Variants in MSANTD2 observed in about 807,000 individuals in gnomAD.
The protein encoded by MSANTD2 is myb/SANT-like DNA-binding domain-containing protein 2.
Under a neutral mutation model 52.6 loss-of-function variants are expected in MSANTD2, and 19 were observed. The ratio of observed to expected loss-of-function variants is 0.36; its 90% confidence interval spans 0.25 to 0.53. MSANTD2 has a LOEUF of 0.53. Ranked by LOEUF, MSANTD2 falls within the 20% of genes least tolerant of loss-of-function variation. The pLI is 0.91. For missense variants in MSANTD2, 558 were observed against 716.3 expected, an observed-to-expected ratio of 0.78 and a Z score of 2.52; for synonymous variants, 291 against 289.7, an observed-to-expected ratio of 1.00 and a Z score of -0.04.
chr11:124,795,400 G>C (rs1591478886), intron 1 of MSANTD2, among the ~76,000 whole-genome samples: 1 of 152,204 alleles, frequency 6.6e-6, no homozygotes, highest in East Asian at 1.9e-4. Context: ...CAGATTAACT[G>C]ACTGAAGTGT....
intron 1 of MSANTD2, chr11:124,784,468 T>C (rs982676985): frequency 2.2e-6 from 2 of 925,952 alleles, no homozygotes; most frequent in Admixed American, 1.1e-4. Flanking sequence ...TGGACAACCA[T>C]GTCTAAAAAT....
intron 1 of MSANTD2, among the ~76,000 whole-genome samples, chr11:124,788,906 G>C (rs1156562664): frequency 6.6e-6 from 1 of 151,982 alleles, no homozygotes; most frequent in Non-Finnish European, 1.5e-5. Context: ...CATATTTGAG[G>C]GTCTTTTTCC....
Position 124,779,694 on chromosome 11 carries a change from G to A in MSANTD2, c.511-4720C>T, listed in dbSNP as rs952790196. Among the ~76,000 whole-genome samples the A allele has an allele frequency of 2.0e-5, 3 of 152,200 alleles. No individual in the cohort carries two copies. The highest frequency in any genetic ancestry group is 6.5e-5 in the Admixed American group (1 of 15,284). The stretch of plus-strand genomic sequence containing the variant: ...ACAAGAAAAAACAAGCAGTGAAACA[G>A]ATTTTCAAATGTAGCTGTCAAGCTG... On this transcript the variant is annotated intron_variant, in intron 1 of 3. Coordinates refer to ENST00000374979, the MANE Select transcript of MSANTD2 (RefSeq NM_001308027.2). This position sits in a 1 kb window ranked among gnomAD's most constrained non-coding sequence, Gnocchi z 4.6.
intron 1 of MSANTD2, among the ~76,000 whole-genome samples, chr11:124,794,630 T>C (rs1945436119): frequency 6.6e-6 from 1 of 152,202 alleles, no homozygotes. Flanking sequence ...CAGAGTCTAT[T>C]AAAATGCTTA....
chr11:124,782,262 T>C (rs577408836), intron 1 of MSANTD2, among the ~76,000 whole-genome samples: 1 of 149,678 alleles, frequency 6.7e-6, no homozygotes, highest in African/African-American at 2.5e-5. Context: ...GCCTGGTCAA[T>C]ATAGCAAGAC....
chr11:124,791,379 A>C (rs1221706974), intron 1 of MSANTD2: 7 of 1,371,360 alleles, frequency 5.1e-6, no homozygotes, highest in African/African-American at 1.4e-5. Context: ...AGGCATCATT[A>C]CGGGCTACAT....
At chr11:124,772,704 A>G (rs7112807) in intron 3 of MSANTD2, among the ~76,000 whole-genome samples, 2 of 142,678 alleles carry the variant, frequency 1.4e-5, no homozygotes, top group Admixed American at 1.5e-4. Flanking sequence ...ACCACTGCAC[A>G]CCAGCCTGGG....
At chr11:124,798,324 C>G (rs1011223861) in intron 1 of MSANTD2, among the ~76,000 whole-genome samples, 10 of 150,678 alleles carry the variant, frequency 6.6e-5, no homozygotes, top group African/African-American at 2.5e-4. Context: ...ATTGTTTGAG[C>G]CCAGGAGTTC....
At chr11:124,782,234 G>A (rs1354309346) in intron 1 of MSANTD2, among the ~76,000 whole-genome samples, 1 of 151,792 alleles carries the variant, frequency 6.6e-6, no homozygotes, top group Non-Finnish European at 1.5e-5. Context: ...GACGCTTCAA[G>A]GCCAGGAGTC....
chr11:124,800,247 C>T lies in MSANTD2; in HGVS notation c.134G>A (p.Arg45Gln). The change falls in exon 1 of 4, where the codon CGG becomes CAG. Residue 45 changes from arginine (R) to glutamine (Q), a missense_variant. Arg to Gln is a conservative substitution (Grantham distance 43, BLOSUM62 1). Transcript: ENST00000374979. This position sits in a 1 kb window ranked among gnomAD's most constrained non-coding sequence, Gnocchi z 4.3. ...GCCCGGCCCGAGCGGGGAGGCACCC[C>T]GAGGCGTGGAAGGGTCGGACAGCGA... ...NPSLSDPSTP[R>Q]GASPLGPGSA... The T allele has an allele frequency of 6.4e-7, 1 of 1,552,092 alleles. No individual in the cohort carries two copies. The highest frequency in any genetic ancestry group is 1.4e-5 in the African/African-American group (1 of 70,230).
chr11:124,790,256 C>A (rs942302889), intron 1 of MSANTD2: 2 of 152,182 alleles, frequency 1.3e-5, no homozygotes, highest in South Asian at 4.1e-4. Flanking sequence ...GGAAGCAGAA[C>A]TGAAGAGTCT....
At position 124,774,385 on chromosome 11, in the gene MSANTD2, G is replaced by T. The variant is rs1313894915; in HGVS notation, c.766+334C>A. Among the ~76,000 whole-genome samples the T allele has an allele frequency of 6.6e-6, 1 of 152,212 alleles. No homozygotes were observed. The highest frequency in any genetic ancestry group is 6.5e-5 in the Admixed American group (1 of 15,288). Reference sequence around the variant, plus strand: ...GGTACAGGATATTTAGAATTGCATAGGATGTTACCTGTCACTGAGTGTACT... The same window carrying T: ...GGTACAGGATATTTAGAATTGCATATGATGTTACCTGTCACTGAGTGTACT... On this transcript the variant is annotated intron_variant, in intron 2 of 3. Coordinates refer to ENST00000374979, the MANE Select transcript of MSANTD2 (RefSeq NM_001308027.2). This position sits in a 1 kb window ranked among gnomAD's most constrained non-coding sequence, Gnocchi z 5.1.
intron 1 of MSANTD2, chr11:124,783,707 C>G (rs1046860519): frequency 1.0e-6 from 1 of 983,742 alleles, no homozygotes; most frequent in Non-Finnish European, 1.2e-6. Context: ...CAATGAATAT[C>G]AAGTTCTAAG....
chr11:124,766,911 G>A lies in MSANTD2; in HGVS notation c.*265C>T, dbSNP rs577911549. 2 of 323,734 alleles carry A rather than the reference G, an allele frequency of 6.2e-6. No homozygotes were observed. The highest frequency in any genetic ancestry group is 1.0e-4 in the East Asian group (2 of 19,742). The allele number at this position is 323,734 out of a possible 1,614,324, so 20.1% of individuals were successfully genotyped here. A position where few individuals can be genotyped will look rare whatever the true frequency, so the allele number is the denominator to read the frequency against. On this transcript the variant is annotated 3_prime_UTR_variant, in exon 4 of 4. Transcript: ENST00000374979. ...GGGCTCTAAAATCCATTTAAAAATT[G>A]TTTTTCTGTTTTTAAAAAAGAAATA...
chr11:124,773,572 CCT>C (rs1944625100), intron 2 of MSANTD2, among the ~76,000 whole-genome samples: 1 of 152,180 alleles, frequency 6.6e-6, no homozygotes. Context: ...ACCATCTACC[CCT>C]TTTATTCTTC....
At chr11:124,768,164 T>A in intron 3 of MSANTD2, 136 bp from the exon 4 acceptor site, 1 of 731,722 alleles carries the variant, frequency 1.4e-6, no homozygotes, top group Middle Eastern at 3.9e-4. Flanking sequence ...GTGGCTGAGG[T>A]ATTACATTTT....
chr11:124,776,643 T>C (rs909890752), intron 1 of MSANTD2, among the ~76,000 whole-genome samples: 1 of 152,194 alleles, frequency 6.6e-6, no homozygotes, highest in African/African-American at 2.4e-5. Flanking sequence ...TACAAGACAC[T>C]CTATCAGATA....
chr11:124,789,231 TAAA>T (rs1945257639), intron 1 of MSANTD2: 1 of 152,200 alleles, frequency 6.6e-6, no homozygotes, highest in Admixed American at 6.5e-5. Context: ...AAAAAAATAA[TAAA>T]AGCAGTTTTG....
rs767658842 is a variant in MSANTD2 at position 124,800,110 on chromosome 11, C to T, written c.271G>A (p.Ala91Thr). 2.7e-6 allele frequency: 4 copies of T among 1,483,674 alleles called. No individual in the cohort carries two copies. The highest frequency in any genetic ancestry group is 3.5e-6 in the Non-Finnish European group (4 of 1,126,768). 91.9% of individuals were successfully genotyped at this position (1,483,674 alleles called of 1,614,324 possible). ...SFSPGGGGGG[A>T]AAAAAAACRG... ...CAGGCGGCGGCGGCGGCTGCCGCAG[C>T]CCCGCCACCGCCGCCACCAGGGGAG... The change falls in exon 1 of 4, where the codon GCT becomes ACT. Residue 91 changes from alanine to threonine, a missense_variant. Transcript: ENST00000374979. This position sits in a 1 kb window ranked among gnomAD's most constrained non-coding sequence, Gnocchi z 4.3.
Sources: gnomAD v4.1 joint callset for allele counts (sites outside exome capture counted in the v4.1 genomes callset) on GRCh38, gnomAD v4.1.1 for gene constraint, Gnocchi (gnomAD v3.1) non-coding constraint, MANE v1.5 for transcripts, NCBI Gene and HGNC (gene_info 2026-07-23, HGNC 2026-07-21) for gene names.